Variants in CD9 observed in about 807,000 individuals in gnomAD.
The protein encoded by CD9 is CD9 molecule, also known as CD9 antigen.
Under a neutral mutation model 31.4 loss-of-function variants are expected in CD9, and 10 were observed. That is an observed-to-expected ratio of 0.32 (90% CI 0.20 to 0.54). The LOEUF (loss-of-function observed/expected upper bound fraction) is 0.54, where lower values mean the gene tolerates loss of function less well. Among genes scored for constraint, CD9 ranks in the 20% least tolerant of loss-of-function variants. The probability of loss-of-function intolerance (pLI) is 0.94; values close to 1 mark genes in which losing one functional copy is unlikely to be tolerated. For synonymous variants in CD9, 113 were observed against 114.1 expected, an observed-to-expected ratio of 0.99 and a Z score of 0.06; for missense variants, 259 against 300.1, an observed-to-expected ratio of 0.86 and a Z score of 1.01.
chr12:6,207,880 G>A (rs1381651019), intron 1 of CD9, among the ~76,000 whole-genome samples: 1 of 152,224 alleles, frequency 6.6e-6, no homozygotes, highest in Admixed American at 6.5e-5. Flanking sequence ...CCTTAAGCCA[G>A]GCATTGTGCC....
intron 1 of CD9, among the ~76,000 whole-genome samples, chr12:6,217,150 T>C (rs1412816293): frequency 2.6e-5 from 4 of 152,098 alleles, no homozygotes; most frequent in Non-Finnish European, 4.4e-5. Flanking sequence ...GTCCAGTCAT[T>C]CTCAACAGAG....
intron 1 of CD9, among the ~76,000 whole-genome samples, chr12:6,222,556 CGGGCTTGGCCT>C (rs1222529273): frequency 4.6e-5 from 7 of 152,140 alleles, no homozygotes; most frequent in Non-Finnish European, 1.0e-4. Flanking sequence ...CTCCCGACTC[CGGGCTTGGCCT>C]GGCCCTTGGC....
chr12:6,218,672 G>T (rs1437029973), intron 1 of CD9, among the ~76,000 whole-genome samples: 1 of 152,204 alleles, frequency 6.6e-6, no homozygotes, highest in Non-Finnish European at 1.5e-5. Flanking sequence ...AACTCCAGGT[G>T]TGTGTTTCAG....
chr12:6,234,637 A>T (rs1348855712), intron 4 of CD9, among the ~76,000 whole-genome samples: 1 of 152,250 alleles, frequency 6.6e-6, no homozygotes, highest in African/African-American at 2.4e-5. Context: ...TTAAATTGGG[A>T]TGCGCCAGGC....
chr12:6,236,786 A>G (rs1048781730), intron 7 of CD9: 1 of 272,334 alleles, frequency 3.7e-6, no homozygotes, highest in African/African-American at 2.2e-5. Context: ...CCCCAGACGG[A>G]ACATGGTCCT....
chr12:6,226,924 A>G (rs1222136348), intron 2 of CD9, among the ~76,000 whole-genome samples: 1 of 152,160 alleles, frequency 6.6e-6, no homozygotes, highest in East Asian at 1.9e-4. Flanking sequence ...GCCGTGTTCC[A>G]GAAGGGAGCC....
At chr12:6,212,047 A>C (rs1946198960) in intron 1 of CD9, among the ~76,000 whole-genome samples, 1 of 152,160 alleles carries the variant, frequency 6.6e-6, no homozygotes, top group African/African-American at 2.4e-5. Flanking sequence ...TAATTTCCAG[A>C]AAGATATGCT....
In CD9 at chr12:6,232,348, C is replaced by T. The variant is rs1946456462; in HGVS notation, c.176-284C>T. The T allele has an allele frequency of 1.9e-6, 1 of 522,834 alleles. No homozygotes were observed. The allele number at this position is 522,834 out of a possible 1,614,324, so 32.4% of individuals were successfully genotyped here. A position where few individuals can be genotyped will look rare whatever the true frequency, so the allele number is the denominator to read the frequency against. Reference sequence around the variant, plus strand: ...AGGGATTCCCGTGGATATTCTCTGTCCTGGATTGAGGGCTAATGGGCACCT... The same window carrying T: ...AGGGATTCCCGTGGATATTCTCTGTTCTGGATTGAGGGCTAATGGGCACCT... On this transcript the variant is annotated intron_variant, in intron 2 of 7. Coordinates refer to ENST00000009180, the MANE Select transcript of CD9 (RefSeq NM_001769.4). The surrounding 1 kb of genome is among the most constrained non-coding windows in gnomAD (Gnocchi z 4.8).
intron 2 of CD9, among the ~76,000 whole-genome samples, chr12:6,227,585 G>A (rs921417299): frequency 1.3e-5 from 2 of 152,146 alleles, no homozygotes; most frequent in Non-Finnish European, 1.5e-5. Context: ...TTAGCTCTAC[G>A]AGGAGTGTGG....
In CD9 at chr12:6,200,455, C is replaced by G; in HGVS notation, c.-45C>G. The stretch of plus-strand genomic sequence containing the variant: ...CCCGCCAGTCCCAGCTGCGCGCGCC[C>G]CCCAGTCCCGCACCCGTTCGGCCCA... On this transcript the variant is annotated 5_prime_UTR_variant, in exon 1 of 8. Transcript: ENST00000009180. 1 of 1,391,730 alleles carries G rather than the reference C, an allele frequency of 7.2e-7. No homozygotes were observed. The allele number at this position is 1,391,730 out of a possible 1,614,324, so 86.2% of individuals were successfully genotyped here.
intron 1 of CD9, among the ~76,000 whole-genome samples, chr12:6,213,924 C>G (rs1762587810): frequency 6.6e-6 from 1 of 152,172 alleles, no homozygotes; most frequent in South Asian, 2.1e-4. Flanking sequence ...GCAGGGAAAC[C>G]CTGTCACCAG....
chr12:6,205,923 C>G (rs1405408803), intron 1 of CD9: 1 of 152,224 alleles, frequency 6.6e-6, no homozygotes, highest in Non-Finnish European at 1.5e-5. Context: ...TTTGAGGAAG[C>G]TGCATGTTTA....
At chr12:6,224,698 G>A (rs983818775) in intron 1 of CD9, among the ~76,000 whole-genome samples, 1 of 152,208 alleles carries the variant, frequency 6.6e-6, no homozygotes, top group Non-Finnish European at 1.5e-5. Flanking sequence ...CCTGGTACGG[G>A]TGACGACGAG....
At chr12:6,221,354 G>A (rs972858268) in intron 1 of CD9, among the ~76,000 whole-genome samples, 104 of 152,228 alleles carry the variant, frequency 6.8e-4, no homozygotes, top group African/African-American at 2.3e-3. Context: ...CCGCATCCCC[G>A]CCCGACCAGC....
intron 1 of CD9, among the ~76,000 whole-genome samples, chr12:6,213,326 C>A (rs1946211163): frequency 6.6e-6 from 1 of 152,220 alleles, no homozygotes; most frequent in African/African-American, 2.4e-5. Context: ...GTCTTTCTCC[C>A]TCTCGAACAC....
intron 7 of CD9, chr12:6,236,492 C>G (rs1447706901): frequency 1.7e-6 from 1 of 580,372 alleles, no homozygotes; most frequent in African/African-American, 1.9e-5. Flanking sequence ...TGAGGCTCCC[C>G]CTGGGCTTCT....
At chr12:6,202,044 T>G (rs1289467435) in intron 1 of CD9, among the ~76,000 whole-genome samples, 1 of 152,000 alleles carries the variant, frequency 6.6e-6, no homozygotes, top group Non-Finnish European at 1.5e-5. Flanking sequence ...TCAAAAAAAG[T>G]AGAAAAGAAA....
intron 1 of CD9, among the ~76,000 whole-genome samples, chr12:6,215,094 G>A (rs1234598850): frequency 6.6e-6 from 1 of 152,084 alleles, no homozygotes; most frequent in African/African-American, 2.4e-5. Flanking sequence ...CACAGTGCTG[G>A]TCAAAGCATT....
chr12:6,210,333 G>A lies in CD9; in HGVS notation c.66+9768G>A, dbSNP rs564257661. Among the ~76,000 whole-genome samples, 4 of 152,366 alleles carry A rather than the reference G, an allele frequency of 2.6e-5. No individual in the cohort carries two copies. The East Asian group carries it at 7.7e-4, about 29-fold the overall frequency. ...GCCAAGGGGAAAGGAGGATGTGCGAGTTGCCCTGGAGAGTCCCTTCCCAGA... is the reference window on the plus strand; with the variant it reads ...GCCAAGGGGAAAGGAGGATGTGCGAATTGCCCTGGAGAGTCCCTTCCCAGA... On this transcript the variant is annotated intron_variant, in intron 1 of 7. Coordinates refer to ENST00000009180, the MANE Select transcript of CD9 (RefSeq NM_001769.4).
Sources: allele counts gnomAD v4.1 joint callset (sites outside exome capture counted in the v4.1 genomes callset), GRCh38; gene constraint gnomAD v4.1.1; non-coding constraint Gnocchi (gnomAD v3.1); transcripts MANE v1.5; gene names NCBI Gene and HGNC (gene_info 2026-07-23, HGNC 2026-07-21).